ANTXR2: variants seen among roughly 807,000 people sequenced by gnomAD.
ANTXR2 encodes anthrax toxin receptor 2.
A neutral mutation model predicts 73.7 loss-of-function variants in ANTXR2; 44 were observed. The ratio of observed to expected loss-of-function variants is 0.60; its 90% CI spans 0.47 to 0.77. The LOEUF is 0.77. Ranked by LOEUF, ANTXR2 falls within the 30% of genes least tolerant of loss-of-function variation. The probability of loss-of-function intolerance (pLI) is 0.00; values close to 1 mark genes in which losing one functional copy is unlikely to be tolerated. For synonymous variants in ANTXR2, 217 were observed against 205.9 expected (o/e 1.05, Z -0.46); for missense variants, 604 against 592.5 (o/e 1.02, Z -0.20).
intron 12 of ANTXR2, among the ~76,000 whole-genome samples, chr4:79,992,780 A>G (rs1403812656): frequency 1.3e-5 from 2 of 152,104 alleles, no homozygotes; most frequent in Non-Finnish European, 2.9e-5. Context: ...AACCATCTTC[A>G]TTTAAAAGCT....
intron 3 of ANTXR2, among the ~76,000 whole-genome samples, chr4:80,058,163 T>C (rs893638273): frequency 1.3e-5 from 2 of 152,040 alleles, no homozygotes; most frequent in Non-Finnish European, 2.9e-5. Context: ...TCAAATCAGC[T>C]CACCATTGCT....
At chr4:79,910,507 C>CAAAAAAAAAAAAAAGAAAAAA (rs1727085238) in intron 16 of ANTXR2, among the ~76,000 whole-genome samples, 1 of 95,652 alleles carries the variant, frequency 1.0e-5, no homozygotes, top group Admixed American at 1.1e-4. Flanking sequence ...GACTCCGTCT[C>CAAAAAAAAAAAAAAGAAAAAA]AAAAAAAAAA....
intron 12 of ANTXR2, among the ~76,000 whole-genome samples, chr4:79,996,504 T>G (rs191972146): frequency 6.6e-6 from 1 of 152,056 alleles, no homozygotes; most frequent in African/African-American, 2.4e-5. Flanking sequence ...CATAAAAATT[T>G]GGGGACGAGA....
At chr4:79,951,571 A>G (rs1353769118) in intron 16 of ANTXR2, among the ~76,000 whole-genome samples, 1 of 145,442 alleles carries the variant, frequency 6.9e-6, no homozygotes, top group Non-Finnish European at 1.5e-5. Flanking sequence ...GAGAGACTCT[A>G]TCTCAAAAAA....
chr4:79,926,952 T>TAC (rs141662949), intron 16 of ANTXR2, among the ~76,000 whole-genome samples: 3,248 of 95,420 alleles, frequency 0.034, 134 homozygotes, highest in South Asian at 0.11. Context: ...TGTGTATATA[T>TAC]ACGTGTGCAT....
chr4:79,955,755 G>A (rs773477952), intron 16 of ANTXR2, among the ~76,000 whole-genome samples: 1 of 152,020 alleles, frequency 6.6e-6, no homozygotes, highest in African/African-American at 2.4e-5. Flanking sequence ...GAAAATTTGC[G>A]CCGGACTGAA....
chr4:79,907,047 C>A lies in ANTXR2; in HGVS notation c.*382G>T. On this transcript the variant is annotated 3_prime_UTR_variant, in exon 17 of 17. Transcript: ENST00000403729. ...TTTCCATGTAAAAAACTCCTGTCTC[C>A]CATCATGGCTAGTTGTTTTGTGGTC... 4.3e-6 allele frequency: 1 copy of A among 233,848 alleles called. No individual in the cohort carries two copies. The highest frequency in any genetic ancestry group is 7.5e-5 in the South Asian group (1 of 13,354). The allele number at this position is 233,848 out of a possible 1,614,324, so 14.5% of individuals were successfully genotyped here.
intron 12 of ANTXR2, among the ~76,000 whole-genome samples, chr4:79,992,697 T>G (rs574238614): frequency 6.6e-6 from 1 of 152,080 alleles, no homozygotes; most frequent in Admixed American, 6.6e-5. Context: ...CATATGACTA[T>G]GAACTTGCAT....
intron 16 of ANTXR2, among the ~76,000 whole-genome samples, chr4:79,963,833 G>T (rs1729242724): frequency 6.6e-6 from 1 of 152,052 alleles, no homozygotes; most frequent in Admixed American, 6.5e-5. Context: ...ACACATTCTT[G>T]AATTTTTTGT....
At chr4:80,014,569 AAT>A (rs899401479) in intron 11 of ANTXR2, among the ~76,000 whole-genome samples, 1 of 151,636 alleles carries the variant, frequency 6.6e-6, no homozygotes. Context: ...AGTCTCAAAA[AAT>A]ATATATATAT....
chr4:79,928,600 A>AG (rs1727922525), intron 16 of ANTXR2, among the ~76,000 whole-genome samples: 1 of 152,158 alleles, frequency 6.6e-6, no homozygotes, highest in South Asian at 2.1e-4. Context: ...CATAAAATGG[A>AG]GTAATAAGGT....
intron 16 of ANTXR2, among the ~76,000 whole-genome samples, chr4:79,951,507 C>T (rs556705395): frequency 2.0e-4 from 30 of 151,776 alleles, no homozygotes; most frequent in Non-Finnish European, 3.2e-4. Context: ...ACCTGGGAGG[C>T]GGAGGTTGCA....
At chr4:80,004,168 A>G (rs868828857) in intron 12 of ANTXR2, among the ~76,000 whole-genome samples, 1 of 152,006 alleles carries the variant, frequency 6.6e-6, no homozygotes, top group African/African-American at 2.4e-5. Flanking sequence ...AAAATATTAC[A>G]TGCTGTATGA....
In ANTXR2 at chr4:79,991,188, T is replaced by C. The variant is rs536864017; in HGVS notation, c.1042-6325A>G. On this transcript the variant is annotated intron_variant, in intron 12 of 16. Coordinates refer to ENST00000403729, the MANE Select transcript of ANTXR2 (RefSeq NM_058172.6). ...TAATCTACAGAATGGGAGAAAATAT[T>C]TGCAACCTATGCATCCAGTAAAGGT... 4.6e-5 allele frequency among the ~76,000 whole-genome samples: 7 copies of C among 152,184 alleles called. No individual in the cohort carries two copies. The South Asian group carries it at 1.5e-3, about 32-fold the overall frequency.
chr4:79,912,802 A>C (rs1158087124), intron 16 of ANTXR2, among the ~76,000 whole-genome samples: 2 of 152,166 alleles, frequency 1.3e-5, no homozygotes, highest in African/African-American at 4.8e-5. Flanking sequence ...GAATAAATTC[A>C]GATTCATCTA....
chr4:80,002,950 T>G (rs548994219), intron 12 of ANTXR2, among the ~76,000 whole-genome samples: 62 of 130,516 alleles, frequency 4.8e-4, no homozygotes, highest in Non-Finnish European at 7.9e-4. Context: ...GGAACACTTT[T>G]ACACTGTTGG....
chr4:80,051,703 C>T (rs529929518), intron 7 of ANTXR2, among the ~76,000 whole-genome samples: 80 of 151,682 alleles, frequency 5.3e-4, no homozygotes, highest in Non-Finnish European at 9.3e-4. Context: ...AAAATTTTAA[C>T]GTGCAGGATG....
intron 12 of ANTXR2, among the ~76,000 whole-genome samples, chr4:79,999,900 G>C (rs1483114581): frequency 6.6e-6 from 1 of 151,852 alleles, no homozygotes; most frequent in African/African-American, 2.4e-5. Context: ...TCCAGCCTGA[G>C]TGACAGAGAA....
intron 16 of ANTXR2, among the ~76,000 whole-genome samples, chr4:79,937,217 T>C (rs1302282178): frequency 1.3e-5 from 2 of 152,112 alleles, no homozygotes; most frequent in Non-Finnish European, 2.9e-5. Context: ...AATGAAGCAA[T>C]TGCTAGCAAT....
Sources: allele counts gnomAD v4.1 joint callset (sites outside exome capture counted in the v4.1 genomes callset), GRCh38; gene constraint gnomAD v4.1.1; transcripts MANE v1.5; gene names NCBI Gene and HGNC (gene_info 2026-07-23, HGNC 2026-07-21).